CAP2: variants seen among roughly 807,000 people sequenced by gnomAD.
The protein encoded by CAP2 is adenylyl cyclase-associated protein 2.
Under a neutral mutation model 57.7 loss-of-function variants are expected in CAP2, and 24 were observed. That is an observed-to-expected ratio of 0.42 (90% CI 0.30 to 0.58). The LOEUF is 0.58. Ranked by LOEUF, CAP2 falls within the 20% of genes least tolerant of loss-of-function variation. The pLI is 0.22. For synonymous variants in CAP2, 194 were observed against 207.2 expected (o/e 0.94, Z 0.55); for missense variants, 501 against 590.3 (o/e 0.85, Z 1.57).
At chr6:17,444,806 A>G (rs1422297249) in intron 3 of CAP2, among the ~76,000 whole-genome samples, 4 of 61,130 alleles carry the variant, frequency 6.5e-5, no homozygotes, top group African/African-American at 1.0e-4. Flanking sequence ...CTCTCTCTCC[A>G]CACACACACA....
intron 3 of CAP2, among the ~76,000 whole-genome samples, chr6:17,460,935 C>T (rs1760703087): frequency 6.6e-6 from 1 of 152,092 alleles, no homozygotes; most frequent in Non-Finnish European, 1.5e-5. Flanking sequence ...ATCGCTTGAG[C>T]ACAAGAGTTT....
Position 17,453,879 on chromosome 6 carries a change from C to CA in CAP2, c.223-9116dup, listed in dbSNP as rs770556080. 6.0e-5 allele frequency among the ~76,000 whole-genome samples: 9 copies of CA among 150,700 alleles called. No individual in the cohort carries two copies. The East Asian group carries it at 1.4e-3, about 23-fold the overall frequency. The stretch of plus-strand genomic sequence containing the variant: ...GGGTAAATAAATATATTTATTGTCC[C>CA]AGGGCTCTTTCTCTTTTTATTCTTT... On this transcript the variant is annotated intron_variant, in intron 3 of 12. Transcript: ENST00000229922.
chr6:17,524,040 C>T (rs967456790), intron 7 of CAP2, among the ~76,000 whole-genome samples: 1 of 145,030 alleles, frequency 6.9e-6, no homozygotes, highest in African/African-American at 2.6e-5. Flanking sequence ...CGCGCCACTG[C>T]ACTCCAGCCT....
intron 6 of CAP2, among the ~76,000 whole-genome samples, chr6:17,508,618 T>A (rs1762052092): frequency 6.6e-6 from 1 of 152,102 alleles, no homozygotes; most frequent in African/African-American, 2.4e-5. Context: ...TCTGAGCTCT[T>A]AGATGGCAGC....
chr6:17,407,479 G>GAA (rs71536728), intron 1 of CAP2, among the ~76,000 whole-genome samples: 46 of 131,494 alleles, frequency 3.5e-4, no homozygotes, highest in African/African-American at 4.5e-4. Flanking sequence ...AACCTGTCTT[G>GAA]AAAAAAAAAA....
chr6:17,496,029 G>GCGGC (rs1554127011), intron 4 of CAP2, among the ~76,000 whole-genome samples: 7 of 125,750 alleles, frequency 5.6e-5, no homozygotes, highest in Admixed American at 1.6e-4. Context: ...TGTGTGGGTG[G>GCGGC]GGGGGGGGGG....
Position 17,463,007 on chromosome 6 carries a change from G to A in CAP2, c.234G>A (p.Val78=), listed in dbSNP as rs759778551. 43 of 1,613,860 alleles carry A rather than the reference G, an allele frequency of 2.7e-5. 1 individual carries two copies. In the South Asian group the frequency reaches 4.0e-4, roughly 15 times the overall value. ...CTCTTTGTTCCCAGGCAGAAATGGT[G>A]CACAGTGCTTTCCAGGCCCAGCGGG... ...AGDVETHAEM[V]HSAFQAQRAF... Residue 78 remains valine, a synonymous_variant, in exon 4 of 13, where the codon GTG becomes GTA. Transcript: ENST00000229922.
intron 7 of CAP2, among the ~76,000 whole-genome samples, chr6:17,523,457 G>C (rs919951170): frequency 2.0e-5 from 3 of 152,160 alleles, no homozygotes; most frequent in Non-Finnish European, 4.4e-5. Context: ...TTCACTGAAG[G>C]GGGAGACCCC....
chr6:17,495,261 T>C (rs1454140337), intron 4 of CAP2, among the ~76,000 whole-genome samples: 2 of 152,224 alleles, frequency 1.3e-5, no homozygotes, highest in African/African-American at 2.4e-5. Flanking sequence ...CCCCAGCACC[T>C]GGACCAGCTC....
chr6:17,457,049 C>A (rs935801464), intron 3 of CAP2, among the ~76,000 whole-genome samples: 4 of 152,200 alleles, frequency 2.6e-5, no homozygotes, highest in Non-Finnish European at 1.5e-5. Context: ...TTCCCCTGTT[C>A]TTCATCCTAA....
chr6:17,486,251 A>C (rs1761416768), intron 4 of CAP2, among the ~76,000 whole-genome samples: 1 of 152,230 alleles, frequency 6.6e-6, no homozygotes, highest in Non-Finnish European at 1.5e-5. Flanking sequence ...AATTCAAGGA[A>C]GTTGTGACAG....
rs772637088 is a variant in CAP2, at chr6:17,531,478, C to T, written c.637-7791C>T. On this transcript the variant is annotated intron_variant, in intron 7 of 12. Transcript: ENST00000229922. ...GCCTATATTCCTTGTGATAGTGCTT[C>T]GCTTTTTCATAGATAAGCTTCTTCC... 4.5e-5 allele frequency: 67 copies of T among 1,494,646 alleles called. 1 individual carries two copies. The highest frequency in any genetic ancestry group is 5.5e-5 in the Non-Finnish European group (60 of 1,084,980). The allele number at this position is 1,494,646 out of a possible 1,614,324, so 92.6% of individuals were successfully genotyped here.
chr6:17,530,863 C>T (rs1013538996), intron 7 of CAP2: 2 of 1,029,546 alleles, frequency 1.9e-6, no homozygotes, highest in Admixed American at 3.8e-5. Flanking sequence ...TATTAACTGA[C>T]CAGCTTAGAA....
intron 7 of CAP2, chr6:17,530,882 A>G: frequency 1.7e-6 from 2 of 1,147,488 alleles, no homozygotes; most frequent in Non-Finnish European, 2.6e-6. Context: ...AAAAATAATC[A>G]TGGTAGACAC....
intron 4 of CAP2, among the ~76,000 whole-genome samples, chr6:17,502,751 G>A (rs1404208603): frequency 6.6e-6 from 1 of 151,992 alleles, no homozygotes; most frequent in African/African-American, 2.4e-5. Context: ...TGGGGCAGTG[G>A]GCCAGGTATC....
intron 4 of CAP2, among the ~76,000 whole-genome samples, chr6:17,475,974 C>G (rs188562451): frequency 2.0e-4 from 31 of 152,270 alleles, no homozygotes; most frequent in Non-Finnish European, 4.0e-4. Context: ...AACAGGAGTC[C>G]CATCATTTTC....
chr6:17,441,837 A>C (rs1034972649), intron 3 of CAP2, among the ~76,000 whole-genome samples: 4 of 152,154 alleles, frequency 2.6e-5, no homozygotes, highest in African/African-American at 9.7e-5. Flanking sequence ...CGGCCAACAG[A>C]TTTGAAATGT....
intron 4 of CAP2, among the ~76,000 whole-genome samples, chr6:17,471,389 T>C (rs918699395): frequency 1.3e-5 from 2 of 152,228 alleles, no homozygotes; most frequent in Non-Finnish European, 2.9e-5. Flanking sequence ...TGCTATGAAG[T>C]TGGGTTTTTC....
At chr6:17,521,578 G>T (rs1416330240) in intron 7 of CAP2, among the ~76,000 whole-genome samples, 1 of 152,126 alleles carries the variant, frequency 6.6e-6, no homozygotes, top group Admixed American at 6.6e-5. Flanking sequence ...CTGGGCAAGG[G>T]GCTAAGAATA....
Sources: allele counts gnomAD v4.1 joint callset (sites outside exome capture counted in the v4.1 genomes callset), GRCh38; gene constraint gnomAD v4.1.1; transcripts MANE v1.5; gene names NCBI Gene and HGNC (gene_info 2026-07-23, HGNC 2026-07-21).